JARID2: variants seen among roughly 807,000 people sequenced by gnomAD.
JARID2 encodes the protein protein Jumonji.
A neutral mutation model predicts 125.6 loss-of-function variants in JARID2; 21 were observed. The observed-to-expected ratio is 0.17, with a 90% CI of 0.12 to 0.24. The LOEUF (loss-of-function observed/expected upper bound fraction) is 0.24, where lower values mean the gene tolerates loss of function less well. JARID2 is among the 10% of genes least tolerant of loss of function. JARID2 has a pLI of 1.00. For missense variants in JARID2, 1,303 were observed against 1,639.6 expected (o/e 0.79, Z 3.55); for synonymous variants, 736 against 661.6 (o/e 1.11, Z -1.73).
intron 2 of JARID2, among the ~76,000 whole-genome samples, chr6:15,376,985 T>C (rs1300306001): frequency 1.3e-5 from 2 of 152,208 alleles, no homozygotes; most frequent in African/African-American, 4.8e-5. Context: ...CTGTGTGTCT[T>C]TGTGTATATA....
intron 4 of JARID2, among the ~76,000 whole-genome samples, chr6:15,460,617 T>C (rs903863900): frequency 6.6e-6 from 1 of 152,244 alleles, no homozygotes; most frequent in African/African-American, 2.4e-5. Flanking sequence ...CATTGGGAAC[T>C]GAGGAAGGCC....
intron 5 of JARID2, 87 bp downstream of exon 5, chr6:15,468,805 T>C: frequency 2.3e-6 from 3 of 1,317,366 alleles, no homozygotes; most frequent in Non-Finnish European, 3.1e-6. Context: ...AGAGATGAGA[T>C]GAAGGCAAAG....
At chr6:15,354,693 G>A (rs1203049923) in intron 1 of JARID2, among the ~76,000 whole-genome samples, 2 of 152,344 alleles carry the variant, frequency 1.3e-5, no homozygotes, top group East Asian at 3.8e-4. Context: ...CTGTAAAAGT[G>A]TACAGTATAT....
chr6:15,261,031 A>G (rs1413153268), intron 1 of JARID2, among the ~76,000 whole-genome samples: 1 of 152,106 alleles, frequency 6.6e-6, no homozygotes, highest in East Asian at 1.9e-4. Context: ...TCTTGGGAGT[A>G]TAAATAATGA....
chr6:15,465,043 A>G (rs1768648576), intron 4 of JARID2, among the ~76,000 whole-genome samples: 1 of 152,152 alleles, frequency 6.6e-6, no homozygotes, highest in African/African-American at 2.4e-5. Context: ...CTTCCATTTT[A>G]GCCCCTCACT....
chr6:15,287,759 A>G (rs1326524592), intron 1 of JARID2, among the ~76,000 whole-genome samples: 10 of 152,096 alleles, frequency 6.6e-5, no homozygotes, highest in Admixed American at 5.9e-4. Context: ...CCTCGAGGAG[A>G]CATGTCTAGG....
intron 1 of JARID2, among the ~76,000 whole-genome samples, chr6:15,317,878 G>A (rs1422732945): frequency 6.6e-6 from 1 of 152,170 alleles, no homozygotes; most frequent in Non-Finnish European, 1.5e-5. Flanking sequence ...CCACAAAACT[G>A]GTGTATTTAG....
chr6:15,469,672 A>G (rs867506503), intron 5 of JARID2, among the ~76,000 whole-genome samples: 4 of 151,662 alleles, frequency 2.6e-5, no homozygotes, highest in African/African-American at 7.3e-5. Context: ...TGAAAACATG[A>G]AGCCGGCATC....
chr6:15,364,313 T>G (rs1763899463), intron 1 of JARID2, among the ~76,000 whole-genome samples: 1 of 152,220 alleles, frequency 6.6e-6, no homozygotes, highest in Non-Finnish European at 1.5e-5. Context: ...AAGCCTGTTT[T>G]GGCCACCCTG....
chr6:15,401,186 A>G (rs1765419485), intron 2 of JARID2, among the ~76,000 whole-genome samples: 1 of 152,020 alleles, frequency 6.6e-6, no homozygotes, highest in Non-Finnish European at 1.5e-5. Flanking sequence ...GAGACTATGT[A>G]AAAAGTGTTG....
chr6:15,380,603 T>C (rs956497289), intron 2 of JARID2, among the ~76,000 whole-genome samples: 1 of 152,166 alleles, frequency 6.6e-6, no homozygotes, highest in Non-Finnish European at 1.5e-5. Context: ...CATGGATGTT[T>C]TGGCAACAGC....
chr6:15,412,984 T>C (rs1384979531), intron 3 of JARID2, among the ~76,000 whole-genome samples: 2 of 147,678 alleles, frequency 1.4e-5, no homozygotes, highest in Non-Finnish European at 3.0e-5. Context: ...TGAAACATTA[T>C]ACATGGGAAG....
rs186972612 is a variant in JARID2, at chr6:15,407,797, A to G, written c.182-2427A>G. ...CTTCACTTACTACTGAGTGATGCATATGTCTGTGTTTGTCTGTCTCTCCTA... is the reference window on the plus strand; with the variant it reads ...CTTCACTTACTACTGAGTGATGCATGTGTCTGTGTTTGTCTGTCTCTCCTA... On this transcript the variant is annotated intron_variant, in intron 2 of 17. Coordinates refer to ENST00000341776, the MANE Select transcript of JARID2 (RefSeq NM_004973.4). Among the ~76,000 whole-genome samples, 8 of 152,174 alleles carry G rather than the reference A, an allele frequency of 5.3e-5. No individual in the cohort carries two copies. The South Asian group carries it at 1.0e-3, about 20-fold the overall frequency.
rs1765824839 is a variant in JARID2, at chr6:15,410,353, C to T, written c.311C>T (p.Pro104Leu). ...DVSSSDFEEGPSRKRPRLQAQ... is the reference protein window; with the variant it reads ...DVSSSDFEEGLSRKRPRLQAQ... ...AGTTCTTCAGATTTTGAAGAAGGGC[C>T]GTCGAGGAAAAGGTTAGTACCCAAG... is the stretch of plus-strand genomic sequence containing the variant. The change falls in exon 3 of 18, where the codon CCG becomes CTG. Residue 104 changes from proline to leucine, a missense_variant. Coordinates refer to ENST00000341776, the MANE Select transcript of JARID2 (RefSeq NM_004973.4). 6.2e-7 allele frequency: 1 copy of T among 1,613,832 alleles called. No homozygotes were observed. The highest frequency in any genetic ancestry group is 1.3e-5 in the African/African-American group (1 of 74,882).
intron 5 of JARID2, 137 bp from the exon 6 acceptor site, chr6:15,487,170 C>G: frequency 4.2e-6 from 3 of 709,690 alleles, no homozygotes; most frequent in Non-Finnish European, 7.3e-6. Context: ...TCACCTCCCA[C>G]CAGTTCCCTC....
intron 3 of JARID2, among the ~76,000 whole-genome samples, chr6:15,447,116 C>T (rs1284628513): frequency 1.3e-5 from 2 of 152,198 alleles, no homozygotes; most frequent in Non-Finnish European, 2.9e-5. Context: ...TTCACATACA[C>T]GCCCCAGTGA....
chr6:15,307,383 C>T (rs752783212), intron 1 of JARID2, among the ~76,000 whole-genome samples: 109 of 152,128 alleles, frequency 7.2e-4, no homozygotes, highest in African/African-American at 2.5e-3. Context: ...GCACCATTTT[C>T]GGCTAAGTTT....
chr6:15,268,967 A>C (rs1394733654), intron 1 of JARID2, among the ~76,000 whole-genome samples: 3 of 152,170 alleles, frequency 2.0e-5, no homozygotes, highest in Non-Finnish European at 4.4e-5. Flanking sequence ...GCGTGTGCCC[A>C]TGGCAGGCAA....
At chr6:15,358,189 T>A (rs1357214674) in intron 1 of JARID2, among the ~76,000 whole-genome samples, 2 of 152,164 alleles carry the variant, frequency 1.3e-5, no homozygotes, top group Non-Finnish European at 2.9e-5. Flanking sequence ...CTTTAAAAAA[T>A]TTTTTGTTTG....
Sources: gnomAD v4.1 joint callset for allele counts (sites outside exome capture counted in the v4.1 genomes callset) on GRCh38, gnomAD v4.1.1 for gene constraint, MANE v1.5 for transcripts, NCBI Gene and HGNC (gene_info 2026-07-23, HGNC 2026-07-21) for gene names.